Variants in CYFIP2 observed in about 807,000 individuals in gnomAD.
The protein encoded by CYFIP2 is cytoplasmic FMR1 interacting protein 2, also known as cytoplasmic FMR1-interacting protein 2.
A neutral mutation model predicts 158.7 loss-of-function variants in CYFIP2; 29 were observed. The observed-to-expected ratio is 0.18, with a 90% CI of 0.14 to 0.25. The LOEUF (loss-of-function observed/expected upper bound fraction) is 0.25, where lower values mean the gene tolerates loss of function less well. Ranked by LOEUF, CYFIP2 falls within the 10% of genes least tolerant of loss-of-function variation. The pLI is 1.00. For missense variants in CYFIP2, 852 were observed against 1,639.5 expected (o/e 0.52, Z 8.29); for synonymous variants, 585 against 617.6 (o/e 0.95, Z 0.78).
chr5:157,319,705 G>T, intron 13 of CYFIP2, 57 bp from the exon 14 acceptor site: 3 of 1,594,422 alleles, frequency 1.9e-6, no homozygotes, highest in Non-Finnish European at 2.6e-6. Flanking sequence ...GTGATGGGTA[G>T]TAGACAGCTG....
chr5:157,315,113 C>CGG lies in CYFIP2; in HGVS notation c.1356+19_1356+20insGG. On this transcript the variant is annotated intron_variant, in intron 13 of 30. Transcript: ENST00000620254. ...CGTTGAGGTAGGTGCAGACTCCCTG[C>CGG]ATCTCCCTCCCTCCCCAAGGCTGCA... 1 of 1,612,836 alleles carries CGG rather than the reference C, an allele frequency of 6.2e-7. No homozygotes were observed. The highest frequency in any genetic ancestry group is 8.5e-7 in the Non-Finnish European group (1 of 1,179,314).
chr5:157,369,680 C>T (rs754357385), intron 26 of CYFIP2, among the ~76,000 whole-genome samples: 2 of 152,142 alleles, frequency 1.3e-5, no homozygotes, highest in African/African-American at 4.8e-5. Context: ...GAGGACACCC[C>T]CAGTGGGCAG....
At position 157,320,765 on chromosome 5, in the gene CYFIP2, A is replaced by G. The variant is rs770984179; in HGVS notation, c.1634A>G (p.Lys545Arg). ...EKDPKGGFDI[K>R]VPRRAVGPSS... Reference sequence around the variant, plus strand: ...GACCCCAAAGGTGGATTTGATATCAAGGTGCCCCGGCGTGCTGTGGGGCCA... The same window carrying G: ...GACCCCAAAGGTGGATTTGATATCAGGGTGCCCCGGCGTGCTGTGGGGCCA... Residue 545 changes from lysine to arginine, a missense_variant, in exon 15 of 31, where the codon AAG becomes AGG. This residue lies in a region of CYFIP2 where 167 missense variants were observed against 343.3 expected (regional missense o/e 0.49). Coordinates refer to ENST00000620254, the MANE Select transcript of CYFIP2 (RefSeq NM_001037333.3). The G allele has an allele frequency of 1.1e-5, 18 of 1,610,382 alleles. No individual in the cohort carries two copies. The African/African-American group carries it at 1.3e-4, about 12-fold the overall frequency.
intron 24 of CYFIP2, 112 bp downstream of exon 24, chr5:157,359,260 T>A (rs1665418481): frequency 7.9e-7 from 1 of 1,264,672 alleles, no homozygotes; most frequent in Admixed American, 2.1e-5. Context: ...GCACTGCAGC[T>A]CTACCTGTAG....
intron 4 of CYFIP2, among the ~76,000 whole-genome samples, chr5:157,295,733 T>TA (rs1311239500): frequency 1.3e-5 from 2 of 152,252 alleles, no homozygotes; most frequent in African/African-American, 4.8e-5. Flanking sequence ...ATCCACTTAA[T>TA]TGTTGACTGG....
intron 29 of CYFIP2, among the ~76,000 whole-genome samples, chr5:157,390,157 C>T (rs540379582): frequency 5.3e-5 from 8 of 152,312 alleles, no homozygotes; most frequent in African/African-American, 1.9e-4. Context: ...GTTCTTTTAG[C>T]TCCTTTAGAG....
intron 19 of CYFIP2, among the ~76,000 whole-genome samples, chr5:157,330,138 G>A (rs1242350703): frequency 6.6e-6 from 1 of 152,074 alleles, no homozygotes; most frequent in Non-Finnish European, 1.5e-5. Flanking sequence ...AACTCCAAAT[G>A]ATCCCATTTT....
intron 8 of CYFIP2, among the ~76,000 whole-genome samples, chr5:157,306,117 A>G (rs1420135416): frequency 1.3e-5 from 2 of 151,910 alleles, no homozygotes; most frequent in Admixed American, 1.3e-4. Flanking sequence ...CTCACCTCTC[A>G]ATGTTCTGGT....
chr5:157,283,168 T>C (rs1757121939), intron 1 of CYFIP2, among the ~76,000 whole-genome samples: 1 of 152,188 alleles, frequency 6.6e-6, no homozygotes, highest in African/African-American at 2.4e-5. Flanking sequence ...CCTATGAAAT[T>C]AAATGCCGAG....
chr5:157,359,261 C>G, intron 24 of CYFIP2, 113 bp downstream of exon 24: 1 of 1,246,442 alleles, frequency 8.0e-7, no homozygotes, highest in Non-Finnish European at 1.1e-6. Flanking sequence ...CACTGCAGCT[C>G]TACCTGTAGA....
intron 23 of CYFIP2, among the ~76,000 whole-genome samples, chr5:157,354,149 G>C (rs1469785500): frequency 6.6e-6 from 1 of 151,968 alleles, no homozygotes; most frequent in East Asian, 1.9e-4. Flanking sequence ...AGAAAATGCA[G>C]GTCTGCGTCA....
intron 3 of CYFIP2, among the ~76,000 whole-genome samples, chr5:157,290,203 C>A (rs367718876): frequency 6.6e-6 from 1 of 152,330 alleles, no homozygotes; most frequent in African/African-American, 2.4e-5. Flanking sequence ...CTTAGAAGAA[C>A]ACTGATTTAT....
chr5:157,312,678 T>C (rs1759833577), intron 11 of CYFIP2, among the ~76,000 whole-genome samples: 1 of 152,190 alleles, frequency 6.6e-6, no homozygotes, highest in African/African-American at 2.4e-5. Context: ...CAGAGCAACG[T>C]ACCTGAAATG....
At position 157,319,694 on chromosome 5, in the gene CYFIP2, G is replaced by A. The variant is rs542655076; in HGVS notation, c.1357-68G>A. On this transcript the variant is annotated intron_variant, in intron 13 of 30. Transcript: ENST00000620254. ...CACTCCCCGCCTCCCCTGGCAGGGC[G>A]GTGATGGGTAGTAGACAGCTGGTGT... is the stretch of plus-strand genomic sequence containing the variant. The A allele has an allele frequency of 7.1e-4, 1,119 of 1,566,716 alleles. 1 individual carries two copies. Among genetic ancestry groups the A allele is most frequent in the Non-Finnish European group, 9.1e-4 (1,051 of 1,151,640 alleles).
intron 23 of CYFIP2, 130 bp downstream of exon 23, chr5:157,341,287 A>G (rs1340384582): frequency 1.2e-6 from 1 of 801,318 alleles, no homozygotes; most frequent in Non-Finnish European, 2.1e-6. Context: ...ACAGTGGCTC[A>G]TACCTTTAAT....
At chr5:157,322,990 C>T in intron 15 of CYFIP2, 1 of 1,536,086 alleles carries the variant, frequency 6.5e-7, no homozygotes, top group African/African-American at 1.4e-5. Flanking sequence ...TGGTGGCACA[C>T]AGGGCCGAAG....
chr5:157,326,817 C>T (rs199927733), intron 18 of CYFIP2, among the ~76,000 whole-genome samples: 109 of 152,246 alleles, frequency 7.2e-4, no homozygotes, highest in African/African-American at 2.6e-3. Context: ...GGTCAGAGGC[C>T]TCGGTGACCT....
At chr5:157,339,406 C>T (rs181727692) in intron 22 of CYFIP2, 150 bp downstream of exon 22, 13 of 684,094 alleles carry the variant, frequency 1.9e-5, no homozygotes, top group Admixed American at 2.8e-5. Flanking sequence ...TGCTGTCTCA[C>T]TTGCCTAAGG....
chr5:157,343,589 A>T, intron 23 of CYFIP2: 2 of 1,424,022 alleles, frequency 1.4e-6, no homozygotes, highest in Non-Finnish European at 1.9e-6. Flanking sequence ...TGATTTAAGT[A>T]TGTATTTATC....
Sources: allele counts gnomAD v4.1 joint callset (sites outside exome capture counted in the v4.1 genomes callset), GRCh38; gene constraint gnomAD v4.1.1; regional missense constraint gnomAD v4.1.1; transcripts MANE v1.5; gene names NCBI Gene and HGNC (gene_info 2026-07-23, HGNC 2026-07-21).